Variants in UTY observed in about 807,000 individuals in gnomAD.
UTY encodes ubiquitously transcribed tetratricopeptide repeat containing, Y-linked, also known as histone demethylase UTY.
Under a neutral mutation model 32.5 loss-of-function variants are expected in UTY, and 12 were observed. That is an observed-to-expected ratio of 0.37 (90% confidence interval 0.24 to 0.60). UTY has a LOEUF of 0.60. UTY is among the 20% of genes least tolerant of loss of function. UTY has a pLI of 0.69. For synonymous variants in UTY, 131 were observed against 103.4 expected (o/e 1.27, Z -1.62); for missense variants, 303 against 299.2 (o/e 1.01, Z -0.09).
At chrY:13,380,061 GTATATATA>G (rs1204552573) in intron 8 of UTY, among the ~76,000 whole-genome samples, 1 of 3,639 alleles carries the variant, frequency 2.7e-4, no homozygotes, top group Non-Finnish European at 4.2e-4. Flanking sequence ...GTGTGTGTGT[GTATATATA>G]TATATATATA....
At chrY:13,302,366 C>T in intron 25 of UTY, among the ~76,000 whole-genome samples, 1 of 33,756 alleles carries the variant, frequency 3.0e-5, no homozygotes, top group East Asian at 7.7e-4. Flanking sequence ...TTTACATTAA[C>T]ATAAAAAACA....
intron 27 of UTY, among the ~76,000 whole-genome samples, chrY:13,297,121 T>A (rs2148711464): frequency 5.9e-5 from 2 of 33,950 alleles, no homozygotes; most frequent in East Asian, 7.7e-4. Flanking sequence ...GAGGTTTATA[T>A]GGCTCACAGT....
chrY:13,396,888 C>T, intron 7 of UTY, 30 bp downstream of exon 7: 1 of 294,362 alleles, frequency 3.4e-6, no homozygotes, highest in Non-Finnish European at 4.9e-6. Context: ...ATATTCTTTA[C>T]TCAAAAGTAT....
In UTY at chrY:13,411,038, A is replaced by C. The variant is rs1318947233; in HGVS notation, c.510T>G (p.Leu170=). 1 of 398,660 alleles carries C rather than the reference A, an allele frequency of 2.5e-6. No individual in the cohort carries two copies. The highest frequency in any genetic ancestry group is 9.2e-5 in the East Asian group (1 of 10,849). ...CTGTGTTCACTTTGAACATGAGCCC[A>C]AGTCGTAAATGAATTTCCTTGGCTC... ...FCRAKEIHLR[L]GLMFKVNTDY... The change falls in exon 6 of 30, where the codon CTT becomes CTG. Residue 170 remains leucine, a synonymous_variant. Transcript: ENST00000545955.
chrY:13,418,392 C>G, intron 4 of UTY, among the ~76,000 whole-genome samples: 1 of 32,326 alleles, frequency 3.1e-5, no homozygotes, highest in Non-Finnish European at 7.5e-5. Context: ...GTCTTTATAG[C>G]TGCATGATTT....
intron 8 of UTY, among the ~76,000 whole-genome samples, chrY:13,386,982 G>A (rs2066910187): frequency 3.0e-5 from 1 of 33,232 alleles, no homozygotes; most frequent in African/African-American, 1.2e-4. Flanking sequence ...CTGGGTGACA[G>A]AGCAAGACTC....
rs2148665668 is a variant in UTY, at chrY:13,289,479, T to C, written c.4010+8228A>G. On this transcript the variant is annotated intron_variant, in intron 27 of 29. Coordinates refer to ENST00000545955, the MANE Select transcript of UTY (RefSeq NM_001258249.2). ...GAACACTGTGAAACTCCCTGCCTTG[T>C]TCTGTTTCTCTCTGTCCGTTGGTGC... 1.2e-4 allele frequency among the ~76,000 whole-genome samples: 4 copies of C among 34,026 alleles called. No homozygotes were observed. In the East Asian group the frequency reaches 2.3e-3, roughly 20 times the overall value. The allele number at this position is 34,026 out of a possible 37,273, so 91.3% of individuals were successfully genotyped here.
chrY:13,407,416 A>G (rs2070216338), intron 6 of UTY, among the ~76,000 whole-genome samples: 1 of 32,195 alleles, frequency 3.1e-5, no homozygotes, highest in African/African-American at 1.2e-4. Context: ...TTTTTAAAGG[A>G]TGGATTAAAT....
chrY:13,479,566 C>G lies in UTY; in HGVS notation c.100G>C (p.Glu34Gln), dbSNP rs373506129. The G allele has an allele frequency of 7.0e-4, 276 of 396,648 alleles. No homozygotes were observed. Among genetic ancestry groups the G allele is most frequent in the Non-Finnish European group, 9.0e-4 (254 of 283,268 alleles). The change falls in exon 1 of 30, where the codon GAG becomes CAG. Residue 34 changes from glutamate to glutamine, a missense_variant. Physicochemically the swap from Glu to Gln is conservative, Grantham distance 29. Coordinates refer to ENST00000545955, the MANE Select transcript of UTY (RefSeq NM_001258249.2). The stretch of plus-strand genomic sequence containing the variant: ...TCCTCGACTGTCAGGCTAACAGACT[C>G]CTCTTCACTCTCGCGGCTCGCTTTT... ...EGKASRESEE[E>Q]SVSLTVEERE...
chrY:13,299,739 T>C, intron 25 of UTY, among the ~76,000 whole-genome samples: 1 of 33,956 alleles, frequency 2.9e-5, no homozygotes, highest in Non-Finnish European at 7.3e-5. Context: ...TGAATAGTGA[T>C]AGACTTATCC....
intron 28 of UTY, among the ~76,000 whole-genome samples, chrY:13,239,942 A>G: frequency 3.0e-5 from 1 of 33,415 alleles, no homozygotes; most frequent in Non-Finnish European, 7.4e-5. Flanking sequence ...TGGTACCACT[A>G]CAGATAACTG....
chrY:13,249,775 T>C lies in UTY; in HGVS notation c.*81A>G. ...TAGACATAGCTTTTAGTCAACAGTT[T>C]TATGAAACAGCTACAAAACCAGTGG... On this transcript the variant is annotated 3_prime_UTR_variant, in exon 30 of 30. Coordinates refer to ENST00000545955, the MANE Select transcript of UTY (RefSeq NM_001258249.2). 1 of 150,336 alleles carries C rather than the reference T, an allele frequency of 6.7e-6. No individual in the cohort carries two copies. The highest frequency in any genetic ancestry group is 1.2e-5 in the Non-Finnish European group (1 of 86,859). 37.5% of individuals were successfully genotyped at this position (150,336 alleles called of 400,897 possible).
At chrY:13,266,862 T>C (rs954630131) in intron 27 of UTY, among the ~76,000 whole-genome samples, 10 of 33,600 alleles carry the variant, frequency 3.0e-4, no homozygotes, top group African/African-American at 4.7e-4. Context: ...GATTGCACTG[T>C]GGTCTCAGAG....
intron 4 of UTY, among the ~76,000 whole-genome samples, chrY:13,440,780 T>C (rs2075102056): frequency 3.0e-5 from 1 of 33,321 alleles, no homozygotes; most frequent in Admixed American, 2.7e-4. Flanking sequence ...CCTCCACCAA[T>C]AAACACTGTG....
chrY:13,325,924 C>A (rs748564527), intron 19 of UTY, among the ~76,000 whole-genome samples: 6 of 33,986 alleles, frequency 1.8e-4, no homozygotes, highest in Non-Finnish European at 4.4e-4. Flanking sequence ...CTTTAGCAAA[C>A]TCTGTCAATG....
intron 17 of UTY, among the ~76,000 whole-genome samples, chrY:13,338,178 G>A (rs2061231615): frequency 3.6e-5 from 1 of 27,723 alleles, no homozygotes; most frequent in Non-Finnish European, 8.4e-5. Context: ...AACTGGCCTG[G>A]CTAATTATTT....
At chrY:13,296,815 T>C (rs986819128) in intron 27 of UTY, among the ~76,000 whole-genome samples, 2 of 33,003 alleles carry the variant, frequency 6.1e-5, no homozygotes, top group Non-Finnish European at 7.4e-5. Flanking sequence ...ACTTTCTCTA[T>C]CAGCATTTTG....
chrY:13,438,604 A>G (rs2074897088), intron 4 of UTY, among the ~76,000 whole-genome samples: 1 of 34,242 alleles, frequency 2.9e-5, no homozygotes, highest in Non-Finnish European at 7.3e-5. Flanking sequence ...GGAATACCCT[A>G]AATCCAGCTA....
chrY:13,321,542 G>A (rs894316607), intron 21 of UTY, among the ~76,000 whole-genome samples: 1 of 33,303 alleles, frequency 3.0e-5, no homozygotes, highest in Non-Finnish European at 7.4e-5. Context: ...TGAGCCAAAT[G>A]TACACCTGAT....
Sources: allele counts gnomAD v4.1 joint callset (sites outside exome capture counted in the v4.1 genomes callset), GRCh38; gene constraint gnomAD v4.1.1; transcripts MANE v1.5; gene names NCBI Gene and HGNC (gene_info 2026-07-23, HGNC 2026-07-21).